C12orf42: variants seen among roughly 807,000 people sequenced by gnomAD.
C12orf42 encodes uncharacterized protein C12orf42.
In C12orf42, 25 loss-of-function variants were observed where a neutral mutation model predicts 21.6. The ratio of observed to expected loss-of-function variants is 1.16; its 90% CI spans 0.84 to 1.62. The LOEUF (loss-of-function observed/expected upper bound fraction) is 1.62, where lower values mean the gene tolerates loss of function less well. C12orf42 is among the 40% of genes most tolerant of loss of function. The pLI is 0.00. For missense variants in C12orf42, 483 were observed against 459.3 expected (o/e 1.05, Z -0.47); for synonymous variants, 174 against 175.0 (o/e 0.99, Z 0.05).
intron 2 of C12orf42, among the ~76,000 whole-genome samples, chr12:103,463,035 A>G (rs10507165): frequency 0.22 from 34,214 of 152,120 alleles, 4,625 homozygotes; most frequent in African/African-American, 0.37. Flanking sequence ...TAATGAAACT[A>G]TTCCCTCATT....
chr12:103,300,169 G>GT (rs1006009093), downstream of C12orf42, among the ~76,000 whole-genome samples: 1 of 152,160 alleles, frequency 6.6e-6, no homozygotes, highest in African/African-American at 2.4e-5. Context: ...GTACTGATAA[G>GT]TTTTTTTCAA....
chr12:103,093,321 G>T, the C12orf42 span, among the ~76,000 whole-genome samples: 1 of 152,122 alleles, frequency 6.6e-6, no homozygotes, highest in African/African-American at 2.4e-5. Flanking sequence ...GAACTGGAGA[G>T]TACATTCCAT....
chr12:103,279,303 T>C (rs970238650), intron 4 of C12orf42, among the ~76,000 whole-genome samples: 7 of 152,176 alleles, frequency 4.6e-5, no homozygotes, highest in African/African-American at 1.7e-4. Context: ...CTGATTGTGG[T>C]AATGGTTCCT....
chr12:103,491,077 A>C (rs112460018), intron 1 of C12orf42, among the ~76,000 whole-genome samples: 1,788 of 152,256 alleles, frequency 0.012, 35 homozygotes, highest in African/African-American at 0.041. Flanking sequence ...TTATGTATTA[A>C]ATTTCTATAA....
the C12orf42 span, among the ~76,000 whole-genome samples, chr12:103,531,980 G>A: frequency 6.6e-6 from 1 of 152,186 alleles, no homozygotes; most frequent in Non-Finnish European, 1.5e-5. Context: ...AGACTCTGCT[G>A]CAATGGCCTA....
At chr12:103,372,965 T>C (rs2374060) in intron 3 of C12orf42, among the ~76,000 whole-genome samples, 75,440 of 152,076 alleles carry the variant, frequency 0.5, 21,484 homozygotes, top group African/African-American at 0.78. Flanking sequence ...TGAAAAAGAA[T>C]GAATGAAGAC....
chr12:103,267,719 A>G (rs1293426790), downstream of C12orf42: 1 of 152,160 alleles, frequency 6.6e-6, no homozygotes, highest in Non-Finnish European at 1.5e-5. Flanking sequence ...CTGAGAAGGG[A>G]GCAAGTGGGG....
At chr12:103,424,861 G>A (rs1241290712) in intron 2 of C12orf42, among the ~76,000 whole-genome samples, 1 of 152,186 alleles carries the variant, frequency 6.6e-6, no homozygotes, top group East Asian at 1.9e-4. Flanking sequence ...TGGAAAGGGG[G>A]CTAAAGCCAG....
At chr12:103,390,632 C>T (rs1028961482) in intron 3 of C12orf42, among the ~76,000 whole-genome samples, 1 of 152,168 alleles carries the variant, frequency 6.6e-6, no homozygotes, top group Non-Finnish European at 1.5e-5. Context: ...CTGCTGTCTA[C>T]AAGCTGGAGG....
At chr12:103,451,650 A>G (rs1951949512) in intron 2 of C12orf42, among the ~76,000 whole-genome samples, 1 of 151,900 alleles carries the variant, frequency 6.6e-6, no homozygotes, top group Non-Finnish European at 1.5e-5. Flanking sequence ...CAATCAGCTG[A>G]CTCTCCAACA....
At chr12:103,110,591 T>C in the C12orf42 span, among the ~76,000 whole-genome samples, 1 of 152,218 alleles carries the variant, frequency 6.6e-6, no homozygotes, top group African/African-American at 2.4e-5. Flanking sequence ...GAGCTTTTTT[T>C]AAGGTTTGAA....
chr12:103,479,679 C>T (rs908634859), intron 1 of C12orf42, among the ~76,000 whole-genome samples: 1 of 151,900 alleles, frequency 6.6e-6, no homozygotes, highest in Non-Finnish European at 1.5e-5. Context: ...TTAACTATCT[C>T]CTCTGCAGCT....
intron 2 of C12orf42, among the ~76,000 whole-genome samples, chr12:103,429,658 C>T (rs1232381868): frequency 6.6e-6 from 1 of 152,126 alleles, no homozygotes; most frequent in Non-Finnish European, 1.5e-5. Context: ...GTCCATATAG[C>T]TAAGACAATC....
chr12:103,048,755 C>G, the C12orf42 span, among the ~76,000 whole-genome samples: 1 of 152,142 alleles, frequency 6.6e-6, no homozygotes, highest in Admixed American at 6.5e-5. Flanking sequence ...CTTCTGGATT[C>G]GCCTTGTAGC....
At chr12:103,228,725 C>T in the C12orf42 span, among the ~76,000 whole-genome samples, 1 of 151,954 alleles carries the variant, frequency 6.6e-6, no homozygotes, top group Non-Finnish European at 1.5e-5. Context: ...GTATATTTTA[C>T]TACATTTTTT....
chr12:103,218,913 C>G, the C12orf42 span, among the ~76,000 whole-genome samples: 3 of 152,218 alleles, frequency 2.0e-5, no homozygotes, highest in Non-Finnish European at 4.4e-5. Context: ...TATGCAATCT[C>G]TGAACACGTA....
At chr12:103,229,751 C>T in the C12orf42 span, among the ~76,000 whole-genome samples, 1 of 152,088 alleles carries the variant, frequency 6.6e-6, no homozygotes, top group Non-Finnish European at 1.5e-5. Flanking sequence ...TCATTTTTTA[C>T]TTTTATTCTT....
chr12:103,383,092 G>T (rs1251517465), intron 3 of C12orf42, among the ~76,000 whole-genome samples: 5 of 151,412 alleles, frequency 3.3e-5, no homozygotes, highest in East Asian at 1.9e-4. Context: ...GTATAAATTT[G>T]CTCTTCAGGA....
At chr12:103,496,456 G>T (rs557684194), upstream of C12orf42, among the ~76,000 whole-genome samples, 21 of 152,224 alleles carry the variant, frequency 1.4e-4, 1 homozygote, top group East Asian at 4.1e-3. Context: ...AACTTCTGAG[G>T]AATTTTACTC....
Sources: allele counts gnomAD v4.1 joint callset (sites outside exome capture counted in the v4.1 genomes callset), GRCh38; gene constraint gnomAD v4.1.1; transcripts MANE v1.5; gene names NCBI Gene and HGNC (gene_info 2026-07-23, HGNC 2026-07-21).